Variants in NPC1 observed in about 807,000 individuals in gnomAD.
NPC1 encodes the protein NPC intracellular cholesterol transporter 1.
A neutral mutation model predicts 140.4 loss-of-function variants in NPC1; 85 were observed. The observed-to-expected ratio is 0.61, with a 90% CI of 0.51 to 0.72. The LOEUF is 0.72. NPC1 is among the 30% of genes least tolerant of loss of function. The pLI, the probability that NPC1 is intolerant of heterozygous loss-of-function variation, is 0.00. For missense variants in NPC1, 1,504 were observed against 1,623.8 expected, an observed-to-expected ratio of 0.93 and a Z score of 1.27; for synonymous variants, 656 against 624.8, an observed-to-expected ratio of 1.05 and a Z score of -0.74.
intron 20 of NPC1, among the ~76,000 whole-genome samples, chr18:23,537,774 AAATC>A (rs2058653641): frequency 6.6e-6 from 1 of 152,240 alleles, no homozygotes; most frequent in Non-Finnish European, 1.5e-5. Context: ...GTCAGTGAGT[AAATC>A]AAGCTGCAAG....
chr18:23,541,155 G>A lies in NPC1; in HGVS notation c.2427C>T (p.Ser809=), dbSNP rs745542071. 1.9e-6 allele frequency: 3 copies of A among 1,614,150 alleles called. No individual in the cohort carries two copies. Among genetic ancestry groups the A allele is most frequent in the African/African-American group, 2.7e-5 (2 of 75,058 alleles). The change falls in exon 16 of 25, where the codon AGC becomes AGT. Residue 809 remains serine (S), a synonymous_variant. Coordinates refer to ENST00000269228, the MANE Select transcript of NPC1 (RefSeq NM_000271.5). ...ACAAACAGCTCTCTGAGGCCTGGAC[G>A]CTTGTTCCATCTTCAGCACCTCTGA... ...CCVRGAEDGT[S]VQASESCLFR... is the part of the protein sequence containing the mutation.
At chr18:23,514,007 ACCTG>A (rs1315709049) in intron 3 of NPC1, among the ~76,000 whole-genome samples, 1 of 152,106 alleles carries the variant, frequency 6.6e-6, no homozygotes, top group African/African-American at 2.4e-5. Flanking sequence ...CCTTTGATGT[ACCTG>A]CCTGTTTCTT....
intron 1 of NPC1, among the ~76,000 whole-genome samples, chr18:23,574,415 T>C (rs892437806): frequency 1.3e-5 from 2 of 151,966 alleles, no homozygotes; most frequent in African/African-American, 2.4e-5. Context: ...GAAGCAGCCA[T>C]GGCTCCCAAG....
intron 3 of NPC1, chr18:23,516,544 C>T (rs1190509979): frequency 3.1e-6 from 3 of 975,526 alleles, no homozygotes; most frequent in Non-Finnish European, 4.7e-6. Context: ...GGAGGACTCC[C>T]CTTGTTCTGG....
At chr18:23,527,946 C>T (rs1050052398), downstream of NPC1, 10 of 1,443,436 alleles carry the variant, frequency 6.9e-6, no homozygotes, top group Middle Eastern at 1.8e-4. Flanking sequence ...CCCCCACCCC[C>T]TCCCGGGTAT....
At chr18:23,571,751 A>C (rs1168239479) in intron 3 of NPC1, among the ~76,000 whole-genome samples, 1 of 151,896 alleles carries the variant, frequency 6.6e-6, no homozygotes, top group Non-Finnish European at 1.5e-5. Flanking sequence ...AGGTAGAACA[A>C]TCACTGGAGC....
At chr18:23,553,086 C>T (rs2058897411) in intron 9 of NPC1, among the ~76,000 whole-genome samples, 1 of 152,206 alleles carries the variant, frequency 6.6e-6, no homozygotes. Context: ...AGGACGCGCA[C>T]AAGCATAACT....
At chr18:23,521,891 T>C (rs1159934051), downstream of NPC1, among the ~76,000 whole-genome samples, 1 of 152,156 alleles carries the variant, frequency 6.6e-6, no homozygotes, top group Non-Finnish European at 1.5e-5. Flanking sequence ...CTCTCCCGGC[T>C]CTCTTTTGAA....
rs1567953838 is a variant in NPC1 at position 23,543,501 on chromosome 18, G to A, written c.2199C>T (p.Pro733=). 1 of 1,612,556 alleles carries A rather than the reference G, an allele frequency of 6.2e-7. No homozygotes were observed. The highest frequency in any genetic ancestry group is 8.5e-7 in the Non-Finnish European group (1 of 1,179,252). Residue 733 remains proline, a synonymous_variant, in exon 14 of 25, where the codon CCC becomes CCT. Transcript: ENST00000269228. ...CAGAAAAGGATGACAGGAACATACTGGGAGCCACTTCTCCTAGGACCCTGC... is the reference window on the plus strand; with the variant it reads ...CAGAAAAGGATGACAGGAACATACTAGGAGCCACTTCTCCTAGGACCCTGC... The part of the protein sequence containing the change: ...QLGRVLGEVA[P]SMFLSSFSET...
intron 23 of NPC1, 158 bp downstream of exon 23, chr18:23,534,288 C>T: frequency 2.9e-6 from 2 of 695,418 alleles, no homozygotes; most frequent in Non-Finnish European, 2.6e-6. Flanking sequence ...CACAGAACGT[C>T]CGTTCTGTCC....
downstream of NPC1, among the ~76,000 whole-genome samples, chr18:23,530,897 T>C (rs563224027): frequency 6.6e-6 from 1 of 152,328 alleles, no homozygotes; most frequent in South Asian, 2.1e-4. Context: ...TTGGAATATC[T>C]CTTAAAGCCA....
chr18:23,522,206 T>A (rs968773575), downstream of NPC1: 1 of 152,262 alleles, frequency 6.6e-6, no homozygotes, highest in East Asian at 1.9e-4. Context: ...AGACGTTCAA[T>A]TAGGTCTTTT....
chr18:23,583,650 C>T (rs2059382544), intron 1 of NPC1, among the ~76,000 whole-genome samples: 1 of 151,580 alleles, frequency 6.6e-6, no homozygotes, highest in African/African-American at 2.4e-5. Flanking sequence ...AATACTGCAT[C>T]CCTTTTAGGA....
chr18:23,507,156 T>TA lies in NPC1; in HGVS notation c.432-515dup, dbSNP rs1404580118. On this transcript the variant is annotated intron_variant, in intron 3 of 3. Transcript: ENST00000591107. ...GTGTTAAAGGAAACTTTTATTATCT[T>TA]ACTGTTGTGAAAGGTATAGTTATGT... The TA allele has an allele frequency of 3.8e-6, 3 of 787,884 alleles. No homozygotes were observed. The African/African-American group carries it at 5.3e-5, about 14-fold the overall frequency. 48.8% of individuals were successfully genotyped at this position (787,884 alleles called of 1,614,324 possible). A position where few individuals can be genotyped will look rare whatever the true frequency, so the allele number is the denominator to read the frequency against.
intron 4 of NPC1, among the ~76,000 whole-genome samples, chr18:23,564,418 C>CT (rs2145500047): frequency 6.6e-6 from 1 of 152,270 alleles, no homozygotes; most frequent in African/African-American, 2.4e-5. Flanking sequence ...GTGCAGCCTC[C>CT]TTAGGCTCAA....
At chr18:23,542,941 G>A (rs932863622) in intron 14 of NPC1, among the ~76,000 whole-genome samples, 2 of 152,164 alleles carry the variant, frequency 1.3e-5, no homozygotes, top group African/African-American at 4.8e-5. Context: ...TAAATGAGAA[G>A]GAAGCCACTT....
chr18:23,571,571 C>T (rs1043570547), intron 3 of NPC1, among the ~76,000 whole-genome samples: 11 of 151,598 alleles, frequency 7.3e-5, no homozygotes, highest in African/African-American at 1.5e-4. Context: ...GCAGGAGAAT[C>T]GCTTGAACCC....
intron 1 of NPC1, chr18:23,581,920 T>C (rs970415568): frequency 3.9e-5 from 6 of 152,202 alleles, no homozygotes; most frequent in Admixed American, 2.6e-4. Flanking sequence ...CCCCATCAAC[T>C]ATGAAGAAGA....
At chr18:23,512,256 A>T (rs1456612578) in intron 3 of NPC1, among the ~76,000 whole-genome samples, 1 of 151,334 alleles carries the variant, frequency 6.6e-6, no homozygotes, top group Non-Finnish European at 1.5e-5. Flanking sequence ...CCTGGCCTCA[A>T]ATAATCCACC....
Sources: gnomAD v4.1 joint callset for allele counts (sites outside exome capture counted in the v4.1 genomes callset) on GRCh38, gnomAD v4.1.1 for gene constraint, MANE v1.5 for transcripts, NCBI Gene and HGNC (gene_info 2026-07-23, HGNC 2026-07-21) for gene names.